CNOT4: variants seen among roughly 807,000 people sequenced by gnomAD.
CNOT4 encodes CCR4-associated factor 4.
In CNOT4, 8 loss-of-function variants were observed where a neutral mutation model predicts 73.8. That is an observed-to-expected ratio of 0.11 (90% CI 0.06 to 0.20). The LOEUF (loss-of-function observed/expected upper bound fraction) is 0.20. CNOT4 is among the 10% of genes least tolerant of loss of function. The pLI is 1.00. For synonymous variants in CNOT4, 293 were observed against 321.1 expected (o/e 0.91, Z 0.94); for missense variants, 564 against 883.4 (o/e 0.64, Z 4.58).
intron 1 of CNOT4, among the ~76,000 whole-genome samples, chr7:135,492,907 T>C (rs1803210245): frequency 6.6e-6 from 1 of 152,122 alleles, no homozygotes; most frequent in African/African-American, 2.4e-5. Flanking sequence ...ATATTGAAAT[T>C]ATCAAGAATT....
chr7:135,457,353 T>C (rs1366963242), intron 1 of CNOT4, among the ~76,000 whole-genome samples: 1 of 151,924 alleles, frequency 6.6e-6, no homozygotes, highest in East Asian at 1.9e-4. Flanking sequence ...TTATTTGAGG[T>C]TTAATTTTAT....
At chr7:135,484,611 C>T (rs1258302394) in intron 1 of CNOT4, among the ~76,000 whole-genome samples, 2 of 152,066 alleles carry the variant, frequency 1.3e-5, no homozygotes, top group East Asian at 3.9e-4. Flanking sequence ...CAAAAATTAG[C>T]TGGGTGTGGT....
At chr7:135,423,526 C>G (rs1037104950) in intron 2 of CNOT4, among the ~76,000 whole-genome samples, 1 of 151,636 alleles carries the variant, frequency 6.6e-6, no homozygotes, top group Non-Finnish European at 1.5e-5. Context: ...ACGCTGACGG[C>G]AATTAAGAAA....
rs767095554 is a variant in CNOT4 at position 135,414,449 on chromosome 7, C to T, written c.460-17G>A. The T allele has an allele frequency of 2.8e-6, 3 of 1,060,148 alleles. No individual in the cohort carries two copies. Among genetic ancestry groups the T allele is most frequent in the African/African-American group, 3.2e-5 (2 of 63,176 alleles). 65.7% of individuals were successfully genotyped at this position (1,060,148 alleles called of 1,614,324 possible). On this transcript the variant is annotated splice_polypyrimidine_tract_variant and intron_variant, in intron 4 of 11. Coordinates refer to ENST00000541284, the MANE Select transcript of CNOT4 (RefSeq NM_001190850.2). The stretch of plus-strand genomic sequence containing the variant: ...ACTTGGACCCTAAAGTGAAAACATC[C>T]CATTCCACTGTTATTAGTTAAAAAT...
chr7:135,414,650 T>A (rs1797752177), intron 4 of CNOT4, among the ~76,000 whole-genome samples: 1 of 152,086 alleles, frequency 6.6e-6, no homozygotes, highest in Non-Finnish European at 1.5e-5. Context: ...AATACTGTAA[T>A]ATATGTGAAT....
chr7:135,399,379 A>G (rs971464372), intron 7 of CNOT4, among the ~76,000 whole-genome samples: 10 of 152,142 alleles, frequency 6.6e-5, no homozygotes, highest in African/African-American at 2.4e-4. Flanking sequence ...GCAATGTAAC[A>G]TAAGGGTAAG....
chr7:135,400,457 CA>C (rs1306623991), intron 7 of CNOT4, among the ~76,000 whole-genome samples: 1 of 151,986 alleles, frequency 6.6e-6, no homozygotes, highest in Non-Finnish European at 1.5e-5. Context: ...AAAGATATTA[CA>C]AAGGACGATT....
chr7:135,485,445 G>C, intron 1 of CNOT4, among the ~76,000 whole-genome samples: 1 of 150,776 alleles, frequency 6.6e-6, no homozygotes, highest in East Asian at 1.9e-4. Flanking sequence ...GAGACCTAAA[G>C]CAGTTTTGTG....
At chr7:135,468,835 TTAA>T (rs1483435716) in intron 1 of CNOT4, among the ~76,000 whole-genome samples, 2 of 152,192 alleles carry the variant, frequency 1.3e-5, no homozygotes, top group African/African-American at 4.8e-5. Context: ...TGCCTTACTC[TTAA>T]TATTATACTT....
chr7:135,471,429 T>C (rs1396042501), intron 1 of CNOT4, among the ~76,000 whole-genome samples: 4 of 152,200 alleles, frequency 2.6e-5, no homozygotes, highest in Non-Finnish European at 4.4e-5. Context: ...TTTGCAATTA[T>C]TATGAGTTGT....
chr7:135,405,560 C>G (rs186019136), intron 7 of CNOT4, among the ~76,000 whole-genome samples: 1 of 152,216 alleles, frequency 6.6e-6, no homozygotes, highest in Non-Finnish European at 1.5e-5. Context: ...TTCCCACTCT[C>G]ATTACTTGTA....
intron 8 of CNOT4, among the ~76,000 whole-genome samples, chr7:135,396,499 T>C (rs935953776): frequency 6.6e-6 from 1 of 152,196 alleles, no homozygotes; most frequent in African/African-American, 2.4e-5. Flanking sequence ...CTACAGTATT[T>C]TGCTCAAGAG....
intron 1 of CNOT4, among the ~76,000 whole-genome samples, chr7:135,478,483 A>C (rs1181065111): frequency 2.0e-5 from 3 of 152,162 alleles, no homozygotes; most frequent in African/African-American, 7.2e-5. Flanking sequence ...GGCTCAGATC[A>C]CTTGTGTTCA....
At chr7:135,436,393 A>G (rs1799156451) in intron 2 of CNOT4, among the ~76,000 whole-genome samples, 1 of 152,082 alleles carries the variant, frequency 6.6e-6, no homozygotes, top group East Asian at 1.9e-4. Flanking sequence ...TCATGAAGCC[A>G]ATCAAATTTA....
intron 1 of CNOT4, among the ~76,000 whole-genome samples, chr7:135,501,567 G>T (rs1370820097): frequency 6.6e-6 from 1 of 152,102 alleles, no homozygotes; most frequent in Non-Finnish European, 1.5e-5. Flanking sequence ...AACCTCAAGT[G>T]TCATCCCCAA....
At chr7:135,455,306 A>C (rs914920310) in intron 1 of CNOT4, among the ~76,000 whole-genome samples, 1 of 152,098 alleles carries the variant, frequency 6.6e-6, no homozygotes, top group Non-Finnish European at 1.5e-5. Flanking sequence ...GGCGAAAAAA[A>C]AAGCTTTAAA....
chr7:135,409,432 A>G (rs902408189), intron 7 of CNOT4, among the ~76,000 whole-genome samples: 1 of 152,156 alleles, frequency 6.6e-6, no homozygotes, highest in Non-Finnish European at 1.5e-5. Context: ...ATTTATATTT[A>G]CATACACATA....
rs1800427442 is a variant in CNOT4 at position 135,454,869 on chromosome 7, G to A, written c.-92-16446C>T. On this transcript the variant is annotated intron_variant, in intron 1 of 11. Transcript: ENST00000541284. ...ACTTCACTCCAGCCTGTGTGACAGA[G>A]TGACAGCGTCTCAAAATAAAATAAA... is the stretch of plus-strand genomic sequence containing the variant. Among the ~76,000 whole-genome samples the A allele has an allele frequency of 2.0e-5, 3 of 152,128 alleles. No individual in the cohort carries two copies. In the South Asian group the frequency reaches 6.2e-4, roughly 32 times the overall value.
intron 1 of CNOT4, among the ~76,000 whole-genome samples, chr7:135,446,494 A>G (rs1799836705): frequency 6.6e-6 from 1 of 152,242 alleles, no homozygotes; most frequent in Non-Finnish European, 1.5e-5. Flanking sequence ...AGTACATAAC[A>G]GTACTTTTAT....
Sources: allele counts gnomAD v4.1 joint callset (sites outside exome capture counted in the v4.1 genomes callset), GRCh38; gene constraint gnomAD v4.1.1; transcripts MANE v1.5; gene names NCBI Gene and HGNC (gene_info 2026-07-23, HGNC 2026-07-21).